The following INPP4B variants were observed in gnomAD, a reference collection of about 807,000 sequenced individuals.
The protein encoded by INPP4B is inositol polyphosphate 4-phosphatase type II.
A neutral mutation model predicts 122.5 loss-of-function variants in INPP4B; 55 were observed. The observed-to-expected ratio is 0.45, with a 90% CI of 0.36 to 0.56. The LOEUF is 0.56. Among genes scored for constraint, INPP4B ranks in the 20% least tolerant of loss-of-function variants. The pLI is 0.00. For synonymous variants in INPP4B, 403 were observed against 388.7 expected (o/e 1.04, Z -0.43); for missense variants, 1,000 against 1,097.7 (o/e 0.91, Z 1.26).
chr4:142,703,651 C>T (rs1237050444), intron 2 of INPP4B, among the ~76,000 whole-genome samples: 4 of 152,160 alleles, frequency 2.6e-5, no homozygotes, highest in African/African-American at 9.7e-5. Flanking sequence ...TACAGCATGT[C>T]TCATCGTTTC....
intron 2 of INPP4B, among the ~76,000 whole-genome samples, chr4:142,487,591 G>T (rs1299728062): frequency 6.6e-6 from 1 of 151,958 alleles, no homozygotes; most frequent in Non-Finnish European, 1.5e-5. Flanking sequence ...GATTAAACAT[G>T]AAATAAAAAT....
chr4:142,471,932 G>A (rs1560696460), intron 2 of INPP4B, among the ~76,000 whole-genome samples: 1 of 151,992 alleles, frequency 6.6e-6, no homozygotes, highest in Non-Finnish European at 1.5e-5. Context: ...TTGGTATAAA[G>A]ATATATTAAT....
At chr4:142,484,897 G>T (rs567849563) in intron 2 of INPP4B, among the ~76,000 whole-genome samples, 5 of 151,986 alleles carry the variant, frequency 3.3e-5, no homozygotes, top group African/African-American at 7.2e-5. Flanking sequence ...GCAAATAGGG[G>T]TCCTGTATTT....
At chr4:142,752,460 C>G (rs57253557) in intron 1 of INPP4B, among the ~76,000 whole-genome samples, 2,050 of 152,154 alleles carry the variant, frequency 0.013, 44 homozygotes, top group African/African-American at 0.047. Flanking sequence ...AGCTTCTGTC[C>G]CTAAGGCTTG....
chr4:142,478,166 C>T (rs558775206), intron 2 of INPP4B, among the ~76,000 whole-genome samples: 8 of 152,244 alleles, frequency 5.3e-5, no homozygotes, highest in Non-Finnish European at 5.9e-5. Context: ...TATCAGATCT[C>T]GGAGCTTTTG....
chr4:142,275,311 T>C (rs1006700401), intron 9 of INPP4B, among the ~76,000 whole-genome samples: 1 of 151,966 alleles, frequency 6.6e-6, no homozygotes, highest in Admixed American at 6.6e-5. Flanking sequence ...AACTTCTCGA[T>C]TTTGGAAATG....
At chr4:142,405,392 G>T in intron 5 of INPP4B, 68 bp from the exon 6 acceptor site, 2 of 973,942 alleles carry the variant, frequency 2.1e-6, no homozygotes, top group Non-Finnish European at 3.3e-6. Context: ...CTTCTGCGCC[G>T]GGCTGAAAGT....
intron 9 of INPP4B, chr4:142,287,176 C>T (rs1452740164): frequency 6.6e-6 from 1 of 152,156 alleles, no homozygotes; most frequent in Non-Finnish European, 1.5e-5. Context: ...TCCAATGGAT[C>T]TGTTGTGATC....
intron 1 of INPP4B, among the ~76,000 whole-genome samples, chr4:142,812,509 A>T (rs1409719441): frequency 6.6e-6 from 1 of 152,160 alleles, no homozygotes; most frequent in Non-Finnish European, 1.5e-5. Context: ...ATTCAATCCC[A>T]TCCTTACCAA....
intron 11 of INPP4B, among the ~76,000 whole-genome samples, chr4:142,243,628 T>C (rs530577834): frequency 6.6e-6 from 1 of 152,192 alleles, no homozygotes; most frequent in Non-Finnish European, 1.5e-5. Flanking sequence ...ATAAAATGAA[T>C]ATCATCTGAT....
chr4:142,328,457 T>A (rs1377132683), intron 7 of INPP4B, among the ~76,000 whole-genome samples: 2 of 152,224 alleles, frequency 1.3e-5, no homozygotes, highest in African/African-American at 4.8e-5. Context: ...AATGGTATTT[T>A]CCTTTTTTGC....
At chr4:142,770,809 C>G (rs1413992688) in intron 1 of INPP4B, among the ~76,000 whole-genome samples, 2 of 151,988 alleles carry the variant, frequency 1.3e-5, no homozygotes, top group Non-Finnish European at 2.9e-5. Flanking sequence ...GGCTCACAGT[C>G]AAGCATAAGA....
At chr4:142,179,347 C>T (rs1218020637) in intron 15 of INPP4B, among the ~76,000 whole-genome samples, 1 of 151,724 alleles carries the variant, frequency 6.6e-6, no homozygotes, top group Non-Finnish European at 1.5e-5. Flanking sequence ...GCAGCATGCA[C>T]CTGTAGTCCC....
intron 10 of INPP4B, among the ~76,000 whole-genome samples, chr4:142,270,169 T>C (rs1745062475): frequency 6.6e-6 from 1 of 152,190 alleles, no homozygotes; most frequent in Non-Finnish European, 1.5e-5. Context: ...CTTCAATGAA[T>C]ACTATTTCCT....
intron 3 of INPP4B, among the ~76,000 whole-genome samples, chr4:142,448,805 T>C (rs949503022): frequency 6.6e-6 from 1 of 152,036 alleles, no homozygotes; most frequent in African/African-American, 2.4e-5. Context: ...AAAAGTAACA[T>C]AAATAAATAA....
Position 142,563,611 on chromosome 4 carries a change from G to C in INPP4B, c.-190-100885C>G, listed in dbSNP as rs1043608781. On this transcript the variant is annotated intron_variant, in intron 2 of 25. Transcript: ENST00000262992. ...TTGCAAAAATGGCCATAATACATTTGAGTATCTCCAATCAAGAACTTGAGT... is the reference window on the plus strand; with the variant it reads ...TTGCAAAAATGGCCATAATACATTTCAGTATCTCCAATCAAGAACTTGAGT... 7.9e-5 allele frequency among the ~76,000 whole-genome samples: 12 copies of C among 152,300 alleles called. No individual in the cohort carries two copies. In the East Asian group the frequency reaches 2.3e-3, roughly 29 times the overall value.
intron 2 of INPP4B, among the ~76,000 whole-genome samples, chr4:142,587,058 T>C (rs78490681): frequency 0.012 from 1,876 of 152,240 alleles, 37 homozygotes; most frequent in African/African-American, 0.041. Flanking sequence ...GGGAATCACA[T>C]GGTAAACTGT....
intron 9 of INPP4B, among the ~76,000 whole-genome samples, chr4:142,284,000 A>C (rs1752381087): frequency 6.6e-6 from 1 of 152,134 alleles, no homozygotes; most frequent in Non-Finnish European, 1.5e-5. Flanking sequence ...AGGAGTGAGC[A>C]ATTGATCCAC....
At chr4:142,635,198 T>TA (rs529308852) in intron 2 of INPP4B, among the ~76,000 whole-genome samples, 1,643 of 152,042 alleles carry the variant, frequency 0.011, 30 homozygotes, top group African/African-American at 0.037. Context: ...ATTAAAAAGT[T>TA]AAAAAAATAA....
Sources: allele counts gnomAD v4.1 joint callset (sites outside exome capture counted in the v4.1 genomes callset), GRCh38; gene constraint gnomAD v4.1.1; transcripts MANE v1.5; gene names NCBI Gene and HGNC (gene_info 2026-07-23, HGNC 2026-07-21).